The following ADAM22 variants were observed in gnomAD, a reference collection of about 807,000 sequenced individuals.
ADAM22 encodes ADAM metallopeptidase domain 22, also known as disintegrin and metalloproteinase domain-containing protein 22.
Under a neutral mutation model 144.6 loss-of-function variants are expected in ADAM22, and 65 were observed. The observed-to-expected ratio is 0.45, with a 90% CI of 0.37 to 0.55. The LOEUF is 0.55. ADAM22 is among the 20% of genes least tolerant of loss of function. ADAM22 has a pLI of 0.00. For synonymous variants in ADAM22, 391 were observed against 412.6 expected (o/e 0.95, Z 0.63); for missense variants, 974 against 1,184.9 (o/e 0.82, Z 2.61).
At chr7:87,984,548 T>C (rs998211018) in intron 3 of ADAM22, among the ~76,000 whole-genome samples, 11 of 152,354 alleles carry the variant, frequency 7.2e-5, no homozygotes, top group African/African-American at 2.2e-4. Context: ...GTCCACACCA[T>C]GGGGTGTTTT....
intron 29 of ADAM22, among the ~76,000 whole-genome samples, chr7:88,184,078 C>T (rs1361062890): frequency 6.6e-6 from 1 of 151,626 alleles, no homozygotes; most frequent in Non-Finnish European, 1.5e-5. Flanking sequence ...CTCAAAATTC[C>T]CTTTAGTACC....
At chr7:88,108,654 G>C (rs553530003) in intron 5 of ADAM22, among the ~76,000 whole-genome samples, 4 of 151,926 alleles carry the variant, frequency 2.6e-5, no homozygotes, top group Admixed American at 6.6e-5. Context: ...ACTTGAACCT[G>C]CGAGGTGAAG....
intron 12 of ADAM22, among the ~76,000 whole-genome samples, chr7:88,133,759 A>G (rs1051327193): frequency 6.6e-6 from 1 of 152,218 alleles, no homozygotes; most frequent in African/African-American, 2.4e-5. Flanking sequence ...CACTAAACCT[A>G]CTAGAGATGA....
chr7:88,182,350 C>A (rs1847261751), intron 29 of ADAM22, among the ~76,000 whole-genome samples: 1 of 152,044 alleles, frequency 6.6e-6, no homozygotes, highest in Non-Finnish European at 1.5e-5. Flanking sequence ...GGGATTCAAC[C>A]ATTTCAAAGG....
At chr7:88,150,614 A>G (rs1054416315) in intron 18 of ADAM22, among the ~76,000 whole-genome samples, 1 of 152,154 alleles carries the variant, frequency 6.6e-6, no homozygotes, top group Non-Finnish European at 1.5e-5. Flanking sequence ...TCTGAAAAAT[A>G]GTATATCTGT....
intron 3 of ADAM22, among the ~76,000 whole-genome samples, chr7:88,011,481 A>G (rs1795392005): frequency 6.6e-6 from 1 of 151,558 alleles, no homozygotes; most frequent in African/African-American, 2.4e-5. Flanking sequence ...CAGAGCTTGC[A>G]GTGAGCCGAG....
At chr7:88,132,153 T>TG (rs1181822760) in intron 11 of ADAM22, 2 of 151,876 alleles carry the variant, frequency 1.3e-5, no homozygotes, top group African/African-American at 4.8e-5. Flanking sequence ...TTTTGTTTTT[T>TG]TTTGTTTTTT....
intron 26 of ADAM22, among the ~76,000 whole-genome samples, chr7:88,178,006 A>G (rs1846090502): frequency 2.0e-5 from 3 of 152,170 alleles, no homozygotes; most frequent in Admixed American, 2.0e-4. Flanking sequence ...TTTGGAGGCT[A>G]CACTACTGAC....
intron 4 of ADAM22, among the ~76,000 whole-genome samples, chr7:88,084,699 T>C (rs1285260316): frequency 6.6e-6 from 1 of 152,256 alleles, no homozygotes; most frequent in Non-Finnish European, 1.5e-5. Flanking sequence ...TGTAACGTTT[T>C]ATATTTTTTC....
chr7:88,172,408 T>G (rs973185589), intron 26 of ADAM22, among the ~76,000 whole-genome samples: 2 of 151,930 alleles, frequency 1.3e-5, no homozygotes, highest in African/African-American at 2.4e-5. Flanking sequence ...TTACACATGA[T>G]AATGGTATTT....
intron 24 of ADAM22, 105 bp from the exon 25 acceptor site, chr7:88,168,032 G>A: frequency 1.2e-6 from 1 of 860,590 alleles, no homozygotes. Context: ...ACTCATTTTT[G>A]AAAACAAACA....
chr7:88,003,005 T>TAC (rs1792934427), intron 3 of ADAM22, among the ~76,000 whole-genome samples: 1 of 152,240 alleles, frequency 6.6e-6, no homozygotes, highest in Non-Finnish European at 1.5e-5. Flanking sequence ...GAAAAGTAGC[T>TAC]ACACAAATTG....
intron 3 of ADAM22, among the ~76,000 whole-genome samples, chr7:88,007,273 T>C (rs1185564447): frequency 6.6e-6 from 1 of 152,112 alleles, no homozygotes; most frequent in African/African-American, 2.4e-5. Context: ...GGAAGAACAT[T>C]CCATGCTCAT....
intron 3 of ADAM22, among the ~76,000 whole-genome samples, chr7:88,019,957 A>G (rs928710191): frequency 2.6e-5 from 4 of 151,850 alleles, no homozygotes; most frequent in African/African-American, 9.7e-5. Flanking sequence ...AAAAAACTAC[A>G]TTAGTGTTCT....
Position 88,196,455 on chromosome 7 carries a change from C to G in ADAM22, c.2875-16C>G, listed in dbSNP as rs759330916. 6.2e-7 allele frequency: 1 copy of G among 1,613,928 alleles called. No homozygotes were observed. Among genetic ancestry groups the G allele is most frequent in the Non-Finnish European group, 8.5e-7 (1 of 1,180,004 alleles). ...TGCTTTCACAATGTGCAATTTTGCT[C>G]TTTTCTGTTGTGCAGCTATGGGAGA... On this transcript the variant is annotated splice_polypyrimidine_tract_variant and intron_variant, in intron 31 of 31. Transcript: ENST00000413139.
At chr7:87,972,359 A>G (rs1168286620) in intron 2 of ADAM22, among the ~76,000 whole-genome samples, 1 of 151,566 alleles carries the variant, frequency 6.6e-6, no homozygotes, top group Non-Finnish European at 1.5e-5. Context: ...TAAAATACCT[A>G]GGAATCCAAC....
chr7:88,148,905 T>C (rs1197516142), intron 17 of ADAM22, 72 bp from the exon 18 acceptor site: 59 of 1,159,394 alleles, frequency 5.1e-5, no homozygotes, highest in Non-Finnish European at 7.0e-5. Flanking sequence ...TTTCATTTTG[T>C]TTTTTTTAGA....
intron 26 of ADAM22, among the ~76,000 whole-genome samples, chr7:88,173,608 T>C (rs1374504421): frequency 3.3e-5 from 5 of 152,062 alleles, no homozygotes; most frequent in Admixed American, 2.0e-4. Flanking sequence ...CTTATAAAAA[T>C]ATCTATAGAC....
intron 4 of ADAM22, among the ~76,000 whole-genome samples, chr7:88,107,895 A>T (rs967584942): frequency 6.6e-6 from 1 of 152,024 alleles, no homozygotes; most frequent in Non-Finnish European, 1.5e-5. Flanking sequence ...CTGACTCCCC[A>T]TGTGTATTTC....
Sources: gnomAD v4.1 joint callset for allele counts (sites outside exome capture counted in the v4.1 genomes callset) on GRCh38, gnomAD v4.1.1 for gene constraint, MANE v1.5 for transcripts, NCBI Gene and HGNC (gene_info 2026-07-23, HGNC 2026-07-21) for gene names.